Variants in CSNK2A1 observed in about 807,000 individuals in gnomAD.
CSNK2A1 encodes casein kinase II subunit alpha.
A neutral mutation model predicts 62.9 loss-of-function variants in CSNK2A1; 10 were observed. The ratio of observed to expected loss-of-function variants is 0.16; its 90% confidence interval spans 0.10 to 0.27. The LOEUF (loss-of-function observed/expected upper bound fraction) is 0.27. Among genes scored for constraint, CSNK2A1 ranks in the 10% least tolerant of loss-of-function variants. The pLI is 1.00. For missense variants in CSNK2A1, 160 were observed against 492.0 expected, an observed-to-expected ratio of 0.33 and a Z score of 6.38; for synonymous variants, 124 against 167.8, an observed-to-expected ratio of 0.74 and a Z score of 2.02.
In CSNK2A1 at chr20:474,626, T is replaced by A. The variant is rs914900525; in HGVS notation, c.*9335A>T. The A allele has an allele frequency of 6.6e-6, 1 of 152,218 alleles. No homozygotes were observed. The highest frequency in any genetic ancestry group is 2.4e-5 in the African/African-American group (1 of 41,460). 9.4% of individuals were successfully genotyped at this position (152,218 alleles called of 1,614,324 possible). A position where few individuals can be genotyped will look rare whatever the true frequency, so the allele number is the denominator to read the frequency against. On this transcript the variant is annotated 3_prime_UTR_variant, in exon 14 of 14. Transcript: ENST00000217244. ...TAATTTAAAAAATCTCAAAATAACA[T>A]GCAACTGTTTGATTTTTCAGTTTTA...
intron 2 of CSNK2A1, among the ~76,000 whole-genome samples, chr20:525,892 C>T (rs2019077266): frequency 7.1e-6 from 1 of 140,074 alleles, no homozygotes; most frequent in Non-Finnish European, 1.5e-5. Flanking sequence ...TGTGGTCCAA[C>T]TATTCAGGAG....
chr20:488,640 T>C, intron 11 of CSNK2A1, 38 bp downstream of exon 11: 1 of 1,597,128 alleles, frequency 6.3e-7, no homozygotes, highest in Non-Finnish European at 8.6e-7. Flanking sequence ...CTCAAAGTGC[T>C]TAAGCCACAG....
intron 2 of CSNK2A1, among the ~76,000 whole-genome samples, chr20:525,729 T>C (rs537021210): frequency 6.8e-6 from 1 of 147,602 alleles, no homozygotes; most frequent in East Asian, 2.0e-4. Context: ...TCCCAACACT[T>C]TGGGAGGCTG....
At chr20:510,211 T>G in intron 2 of CSNK2A1, 1 of 152,406 alleles carries the variant, frequency 6.6e-6, no homozygotes, top group Non-Finnish European at 1.5e-5. Flanking sequence ...TCGCTCTTGT[T>G]GCTCAGGCTG....
chr20:530,739 T>C (rs2019195925), intron 1 of CSNK2A1, among the ~76,000 whole-genome samples: 1 of 152,144 alleles, frequency 6.6e-6, no homozygotes, highest in Non-Finnish European at 1.5e-5. Flanking sequence ...CCTTCCAAAG[T>C]GTTGGGACTA....
At chr20:497,586 A>C in intron 7 of CSNK2A1, 135 bp downstream of exon 7, 2 of 677,146 alleles carry the variant, frequency 3.0e-6, no homozygotes, top group Non-Finnish European at 2.4e-6. Flanking sequence ...CTATTAACTT[A>C]TTAAAAACTT....
intron 3 of CSNK2A1, 32 bp from the exon 4 acceptor site, chr20:505,261 G>T (rs759469234): frequency 1.3e-6 from 2 of 1,527,112 alleles, no homozygotes; most frequent in South Asian, 1.2e-5. Context: ...CTTATAAACG[G>T]TCAAATTATC....
intron 9 of CSNK2A1, among the ~76,000 whole-genome samples, chr20:491,573 A>G (rs1169371778): frequency 6.6e-6 from 1 of 152,160 alleles, no homozygotes; most frequent in Non-Finnish European, 1.5e-5. Flanking sequence ...CAGGAGGCTA[A>G]GCTGGAAGGA....
intron 9 of CSNK2A1, among the ~76,000 whole-genome samples, chr20:491,266 G>T (rs2018230209): frequency 1.3e-5 from 2 of 152,126 alleles, no homozygotes; most frequent in Admixed American, 1.3e-4. Flanking sequence ...CTTTTTCTGT[G>T]AGGAGAAAGA....
intron 2 of CSNK2A1, among the ~76,000 whole-genome samples, chr20:519,404 T>A (rs942412097): frequency 1.3e-5 from 2 of 152,106 alleles, no homozygotes; most frequent in Non-Finnish European, 2.9e-5. Context: ...AACATATAAT[T>A]ACAAAATAGC....
Position 477,219 on chromosome 20 carries a change from G to A in CSNK2A1, c.*6742C>T, listed in dbSNP as rs1458310665. 1 of 152,218 alleles carries A rather than the reference G, an allele frequency of 6.6e-6. No homozygotes were observed. Among genetic ancestry groups the A allele is most frequent in the African/African-American group, 2.4e-5 (1 of 41,428 alleles). The allele number at this position is 152,218 out of a possible 1,614,324, so 9.4% of individuals were successfully genotyped here. A position where few individuals can be genotyped will look rare whatever the true frequency, so the allele number is the denominator to read the frequency against. The stretch of plus-strand genomic sequence containing the variant: ...GACTTTAAAAAAATCTTTTTAGACA[G>A]GGTCTTGCTCTGTCACTTGGGCTTG... On this transcript the variant is annotated 3_prime_UTR_variant, in exon 14 of 14. Coordinates refer to ENST00000217244, the MANE Select transcript of CSNK2A1 (RefSeq NM_177559.3).
At chr20:493,432 T>C (rs1394691947) in intron 8 of CSNK2A1, among the ~76,000 whole-genome samples, 1 of 152,070 alleles carries the variant, frequency 6.6e-6, no homozygotes, top group Non-Finnish European at 1.5e-5. Context: ...TAAAAATAAT[T>C]AAATATTTAA....
chr20:513,916 G>C (rs2018775513), intron 2 of CSNK2A1, among the ~76,000 whole-genome samples: 1 of 152,212 alleles, frequency 6.6e-6, no homozygotes, highest in African/African-American at 2.4e-5. Flanking sequence ...TCTGCTTATA[G>C]TAAGAAAGGT....
At chr20:524,131 A>G (rs2019013979) in intron 2 of CSNK2A1, among the ~76,000 whole-genome samples, 1 of 151,962 alleles carries the variant, frequency 6.6e-6, no homozygotes, top group Non-Finnish European at 1.5e-5. Flanking sequence ...TGTCTAAAAG[A>G]GATACATCTA....
intron 7 of CSNK2A1, 77 bp downstream of exon 7, chr20:497,644 G>A: frequency 8.0e-7 from 1 of 1,245,710 alleles, no homozygotes; most frequent in Non-Finnish European, 1.2e-6. Flanking sequence ...TAATCTGCTG[G>A]CTTTTCTACC....
chr20:499,514 T>C lies in CSNK2A1; in HGVS notation c.316-209A>G. 1 of 557,930 alleles carries C rather than the reference T, an allele frequency of 1.8e-6. No individual in the cohort carries two copies. Among genetic ancestry groups the C allele is most frequent in the Non-Finnish European group, 3.1e-6 (1 of 321,344 alleles). The allele number at this position is 557,930 out of a possible 1,614,324, so 34.6% of individuals were successfully genotyped here. Reference sequence around the variant, plus strand: ...GGATTTCAAACAGAAGACATGGAGCTGAAGTCTCACCAGGCTCTAGGCAGC... The same window carrying C: ...GGATTTCAAACAGAAGACATGGAGCCGAAGTCTCACCAGGCTCTAGGCAGC... On this transcript the variant is annotated intron_variant, in intron 5 of 13. Coordinates refer to ENST00000217244, the MANE Select transcript of CSNK2A1 (RefSeq NM_177559.3). This position sits in a 1 kb window ranked among gnomAD's most constrained non-coding sequence, Gnocchi z 4.2.
chr20:518,035 A>C (rs2018863858), intron 2 of CSNK2A1, among the ~76,000 whole-genome samples: 1 of 152,176 alleles, frequency 6.6e-6, no homozygotes, highest in Non-Finnish European at 1.5e-5. Flanking sequence ...GCACAATCGT[A>C]GCTCACTGCC....
At chr20:542,471 T>C (rs1018334359) in intron 1 of CSNK2A1, among the ~76,000 whole-genome samples, 2 of 152,368 alleles carry the variant, frequency 1.3e-5, no homozygotes, top group Middle Eastern at 6.8e-3. Context: ...TCTCGCTCTG[T>C]CGCCCAGGCT....
chr20:523,864 A>AAAAAAAAAAAAAAC, intron 2 of CSNK2A1, among the ~76,000 whole-genome samples: 1 of 142,118 alleles, frequency 7.0e-6, no homozygotes, highest in Non-Finnish European at 1.6e-5. Context: ...ATCTCAAAAA[A>AAAAAAAAAAAAAAC]AAAAAAAAAA....
Sources: gnomAD v4.1 joint callset for allele counts (sites outside exome capture counted in the v4.1 genomes callset) on GRCh38, gnomAD v4.1.1 for gene constraint, Gnocchi (gnomAD v3.1) non-coding constraint, MANE v1.5 for transcripts, NCBI Gene and HGNC (gene_info 2026-07-23, HGNC 2026-07-21) for gene names.